Variants in UNC13C observed in about 807,000 individuals in gnomAD.
The protein encoded by UNC13C is unc-13 homolog C.
Under a neutral mutation model 245.4 loss-of-function variants are expected in UNC13C, and 174 were observed. The observed-to-expected ratio is 0.71, with a 90% CI of 0.63 to 0.80. The LOEUF is 0.80. Ranked by LOEUF, UNC13C falls within the 30% of genes least tolerant of loss-of-function variation. UNC13C has a pLI of 0.00. For synonymous variants in UNC13C, 992 were observed against 895.1 expected, an observed-to-expected ratio of 1.11 and a Z score of -1.93; for missense variants, 2,829 against 2,602.9, an observed-to-expected ratio of 1.09 and a Z score of -1.89.
intron 4 of UNC13C, among the ~76,000 whole-genome samples, chr15:54,206,366 T>C (rs2034708118): frequency 6.6e-6 from 1 of 152,064 alleles, no homozygotes; most frequent in Admixed American, 6.6e-5. Flanking sequence ...CAGAAAAGGT[T>C]TGGAGATTTT....
At chr15:54,417,161 C>T in intron 19 of UNC13C, 1 of 351,558 alleles carries the variant, frequency 2.8e-6, no homozygotes, top group Non-Finnish European at 5.6e-6. Context: ...TGACTTTTAC[C>T]AACATATCTA....
At chr15:54,067,405 G>A (rs1197442871) in intron 2 of UNC13C, among the ~76,000 whole-genome samples, 1 of 152,030 alleles carries the variant, frequency 6.6e-6, no homozygotes, top group Non-Finnish European at 1.5e-5. Context: ...TTATAAAAAT[G>A]TTTAAATATT....
chr15:54,333,863 CA>C lies in UNC13C; in HGVS notation c.4584+8del, dbSNP rs1382669737. 1.3e-6 allele frequency: 2 copies of C among 1,580,072 alleles called. No homozygotes were observed. Among genetic ancestry groups the C allele is most frequent in the African/African-American group, 1.3e-5 (1 of 74,384 alleles). ...CACCTTTTTTAGGATGAAGGTATCT[CA>C]TTTTATTTCTGTCACTGTTTTGTTG... On this transcript the variant is annotated splice_region_variant and intron_variant, in intron 16 of 32. Coordinates refer to ENST00000260323, the MANE Select transcript of UNC13C (RefSeq NM_001080534.3).
chr15:54,317,038 G>A (rs926013097), intron 13 of UNC13C, among the ~76,000 whole-genome samples: 2 of 151,914 alleles, frequency 1.3e-5, no homozygotes, highest in African/African-American at 2.4e-5. Flanking sequence ...TGAAGAAAGA[G>A]TACTCTGACC....
intron 19 of UNC13C, among the ~76,000 whole-genome samples, chr15:54,447,205 G>T (rs935885979): frequency 2.0e-5 from 3 of 152,184 alleles, no homozygotes; most frequent in Non-Finnish European, 4.4e-5. Flanking sequence ...GTATTTTATT[G>T]AGGATATTTG....
At chr15:54,308,157 C>T (rs1026567212) in intron 13 of UNC13C, among the ~76,000 whole-genome samples, 3 of 151,790 alleles carry the variant, frequency 2.0e-5, no homozygotes, top group Non-Finnish European at 2.9e-5. Context: ...CCACAAGTTC[C>T]GTATGATTTC....
intron 19 of UNC13C, among the ~76,000 whole-genome samples, chr15:54,427,485 A>C (rs1345115568): frequency 6.6e-6 from 1 of 151,778 alleles, no homozygotes; most frequent in East Asian, 1.9e-4. Flanking sequence ...TATCAGCAGC[A>C]TGAAAACAGG....
the UNC13C span, among the ~76,000 whole-genome samples, chr15:53,962,191 C>A: frequency 6.6e-6 from 1 of 151,960 alleles, no homozygotes; most frequent in African/African-American, 2.4e-5. Flanking sequence ...AACTCTACTG[C>A]CTATTTAATA....
the UNC13C span, among the ~76,000 whole-genome samples, chr15:53,942,646 G>A: frequency 6.6e-6 from 1 of 151,526 alleles, no homozygotes; most frequent in Non-Finnish European, 1.5e-5. Context: ...TCCAGGTAAC[G>A]ATTTTCCTGA....
At chr15:54,051,539 A>G (rs1248883864) in intron 2 of UNC13C, among the ~76,000 whole-genome samples, 1 of 152,154 alleles carries the variant, frequency 6.6e-6, no homozygotes, top group Admixed American at 6.5e-5. Context: ...ATATTTCAGT[A>G]TCTGGTAACA....
chr15:54,301,480 G>A (rs550520347), intron 13 of UNC13C, among the ~76,000 whole-genome samples: 1 of 151,938 alleles, frequency 6.6e-6, no homozygotes, highest in South Asian at 2.1e-4. Flanking sequence ...GATGTTCCCC[G>A]CCCTGTGTCC....
At chr15:53,938,652 A>G in the UNC13C span, among the ~76,000 whole-genome samples, 1 of 152,180 alleles carries the variant, frequency 6.6e-6, no homozygotes, top group Non-Finnish European at 1.5e-5. Flanking sequence ...AAATCATAAC[A>G]ATCCCTCAGA....
At chr15:53,990,953 G>A (rs1477259113) in intron 1 of UNC13C, among the ~76,000 whole-genome samples, 1 of 151,994 alleles carries the variant, frequency 6.6e-6, no homozygotes, top group East Asian at 1.9e-4. Flanking sequence ...GACAGAGAAC[G>A]AAGTTGTAGG....
intron 4 of UNC13C, among the ~76,000 whole-genome samples, chr15:54,151,528 G>A (rs985016858): frequency 2.0e-5 from 3 of 151,972 alleles, no homozygotes; most frequent in African/African-American, 7.3e-5. Context: ...TCAGCCTCCC[G>A]AGTAGATGGG....
At chr15:54,550,187 G>A (rs925262786) in intron 28 of UNC13C, among the ~76,000 whole-genome samples, 3 of 152,234 alleles carry the variant, frequency 2.0e-5, no homozygotes, top group Non-Finnish European at 4.4e-5. Context: ...TAAAATACAT[G>A]CTATTTTTAT....
chr15:54,367,604 C>G (rs1313272423), intron 17 of UNC13C, among the ~76,000 whole-genome samples: 7 of 152,032 alleles, frequency 4.6e-5, no homozygotes. Flanking sequence ...ACGAATGAAT[C>G]AAAAATATTT....
At chr15:54,130,096 C>A (rs2031317458) in intron 2 of UNC13C, among the ~76,000 whole-genome samples, 1 of 151,408 alleles carries the variant, frequency 6.6e-6, no homozygotes, top group South Asian at 2.1e-4. Context: ...AATGTTTTAT[C>A]ATTTCCATTA....
chr15:54,014,995 T>C lies in UNC13C; in HGVS notation c.2092T>C (p.Leu698=). 2 of 1,613,682 alleles carry C rather than the reference T, an allele frequency of 1.2e-6. No individual in the cohort carries two copies. Among genetic ancestry groups the C allele is most frequent in the Non-Finnish European group, 1.7e-6 (2 of 1,179,818 alleles). The change falls in exon 2 of 33, where the codon TTG becomes CTG. Residue 698 remains leucine, a synonymous_variant. Coordinates refer to ENST00000260323, the MANE Select transcript of UNC13C (RefSeq NM_001080534.3). ...LDVYNKDLEY[L]GKCHSDLQDD... ...TGTTTACAATAAAGACCTAGAATAC[T>C]TGGGAAAGTGCCACAGTGATCTTCA...
chr15:54,610,118 T>A (rs980126707), intron 30 of UNC13C, among the ~76,000 whole-genome samples: 9 of 152,172 alleles, frequency 5.9e-5, no homozygotes, highest in East Asian at 3.9e-4. Context: ...AGTTTTTTTT[T>A]AAATAGATCT....
Sources: gnomAD v4.1 joint callset for allele counts (sites outside exome capture counted in the v4.1 genomes callset) on GRCh38, gnomAD v4.1.1 for gene constraint, MANE v1.5 for transcripts, NCBI Gene and HGNC (gene_info 2026-07-23, HGNC 2026-07-21) for gene names.